HMGCL: variants seen among roughly 807,000 people sequenced by gnomAD.
HMGCL encodes the protein 3-hydroxy-3-methylglutaryl-CoA lyase.
HMGCL carries 26 observed loss-of-function variants against 37.3 expected under a neutral mutation model. The observed-to-expected ratio is 0.70, with a 90% CI of 0.51 to 0.97. The LOEUF is 0.97. HMGCL is among the 50% of genes least tolerant of loss of function. The pLI, the probability that HMGCL is intolerant of heterozygous loss-of-function variation, is 0.00. For synonymous variants in HMGCL, 151 were observed against 148.0 expected (o/e 1.02, Z -0.15); for missense variants, 379 against 398.1 (o/e 0.95, Z 0.41).
In HMGCL at chr1:23,814,187, C is replaced by T. The variant is rs763178392; in HGVS notation, c.497+3G>A. On this transcript the variant is annotated splice_donor_region_variant and intron_variant, in intron 5 of 8. Transcript: ENST00000374490. ...GAAAGGATACCAATGTGCTCTGACTCACCCCCGCACAGAAATATTGGCTGA... is the reference window on the plus strand; with the variant it reads ...GAAAGGATACCAATGTGCTCTGACTTACCCCCGCACAGAAATATTGGCTGA... 8.0e-5 allele frequency: 129 copies of T among 1,613,396 alleles called. 2 individuals carry two copies. The South Asian group carries it at 1.4e-3, about 17-fold the overall frequency.
Position 23,809,175 on chromosome 1 carries a change from G to C in HMGCL, c.562-852C>G, listed in dbSNP as rs1278970303. Reference sequence around the variant, plus strand: ...CATGCTTCGGCCTCCCGAAGTGCTGGGATTACAGTCATGAGCCACCATACC... The same window carrying C: ...CATGCTTCGGCCTCCCGAAGTGCTGCGATTACAGTCATGAGCCACCATACC... On this transcript the variant is annotated intron_variant, in intron 6 of 8. Transcript: ENST00000374490. The C allele has an allele frequency of 6.2e-5, 9 of 146,278 alleles. No individual in the cohort carries two copies. In the East Asian group the frequency reaches 1.8e-3, roughly 29 times the overall value. 9.1% of individuals were successfully genotyped at this position (146,278 alleles called of 1,614,324 possible).
chr1:23,815,771 A>C (rs1638600547), intron 4 of HMGCL, among the ~76,000 whole-genome samples: 1 of 151,988 alleles, frequency 6.6e-6, no homozygotes, highest in Admixed American at 6.6e-5. Flanking sequence ...CTAGGATTAC[A>C]GGCGTGAGCC....
In HMGCL at chr1:23,808,120, TA is replaced by T. The variant is rs889708681; in HGVS notation, c.750+14del. The T allele has an allele frequency of 3.1e-6, 5 of 1,611,772 alleles. No homozygotes were observed. Among genetic ancestry groups the T allele is most frequent in the Non-Finnish European group, 4.2e-6 (5 of 1,178,090 alleles). On this transcript the variant is annotated intron_variant, in intron 7 of 8. Transcript: ENST00000374490. ...ACCGTGACCTTTGGGAGAATGGGCA[TA>T]TGCTTTTGATTACCTGCAGGGCCAT...
Position 23,820,507 on chromosome 1 carries a change from T to A in HMGCL, c.144+3A>T. On this transcript the variant is annotated splice_donor_region_variant and intron_variant, in intron 2 of 8. Transcript: ENST00000374490. ...TGTTTTTTTGGCTCATTTCCAACTT[T>A]ACCTTTTCATTTTGTAGTCCATCTC... 5.6e-6 allele frequency: 9 copies of A among 1,611,588 alleles called. No homozygotes were observed. Among genetic ancestry groups the A allele is most frequent in the Non-Finnish European group, 7.6e-6 (9 of 1,177,608 alleles).
At chr1:23,822,373 A>T (rs1321974066) in intron 1 of HMGCL, among the ~76,000 whole-genome samples, 1 of 152,168 alleles carries the variant, frequency 6.6e-6, no homozygotes, top group Admixed American at 6.5e-5. Flanking sequence ...GTCAGCTCAA[A>T]ATCTTAGTCT....
Position 23,817,714 on chromosome 1 carries a change from A to G in HMGCL, c.145-131T>C, listed in dbSNP as rs190245759. The G allele has an allele frequency of 7.1e-6, 5 of 702,458 alleles. No homozygotes were observed. In the Admixed American group the frequency reaches 1.0e-4, roughly 14 times the overall value. The allele number at this position is 702,458 out of a possible 1,614,324, so 43.5% of individuals were successfully genotyped here. On this transcript the variant is annotated intron_variant, in intron 2 of 8. Coordinates refer to ENST00000374490, the MANE Select transcript of HMGCL (RefSeq NM_000191.3). ...GCAGCTTCTCACCTGAAAAGGAGTTATTTACATAGAAACATTATTCTGCCA... is the reference window on the plus strand; with the variant it reads ...GCAGCTTCTCACCTGAAAAGGAGTTGTTTACATAGAAACATTATTCTGCCA...
At chr1:23,814,885 C>A (rs889557095) in intron 4 of HMGCL, among the ~76,000 whole-genome samples, 2 of 151,926 alleles carry the variant, frequency 1.3e-5, no homozygotes, top group African/African-American at 4.8e-5. Flanking sequence ...TAGGGTGGGC[C>A]CCTAATCCCA....
chr1:23,824,550 A>G (rs1638781460), intron 1 of HMGCL, among the ~76,000 whole-genome samples: 1 of 152,116 alleles, frequency 6.6e-6, no homozygotes. Flanking sequence ...TTCCCTCTAT[A>G]CAGTTATAAC....
At position 23,814,218 on chromosome 1, in the gene HMGCL, C is replaced by A; in HGVS notation, c.469G>T (p.Ala157Ser). The change falls in exon 5 of 9, where the codon GCG becomes TCG. Residue 157 changes from alanine to serine, a missense_variant. By Grantham distance (99) the Ala-to-Ser change is moderately conservative (BLOSUM62 1). Transcript: ENST00000374490. ...CGCACAGAAATATTGGCTGACTGCG[C>A]TGCCTTCAGGATTGCGTCAAACCTC... The part of the protein sequence containing the change: ...FQRFDAILKA[A>S]QSANISVRGY... 6.2e-7 allele frequency: 1 copy of A among 1,614,062 alleles called. No homozygotes were observed. Among genetic ancestry groups the A allele is most frequent in the African/African-American group, 1.3e-5 (1 of 75,054 alleles).
chr1:23,807,396 G>A (rs1638432440), intron 7 of HMGCL: 1 of 363,658 alleles, frequency 2.7e-6, no homozygotes, highest in South Asian at 2.1e-5. Flanking sequence ...CGAACCTCTA[G>A]GGGATAATTG....
At position 23,819,767 on chromosome 1, in the gene HMGCL, G is replaced by A. The variant is rs562962794; in HGVS notation, c.144+743C>T. On this transcript the variant is annotated intron_variant, in intron 2 of 8. Transcript: ENST00000374490. ...CACACACACGCGCGCGTGCGTACGCGCACATGCACTATTTGTTTTTGTTTG... is the reference window on the plus strand; with the variant it reads ...CACACACACGCGCGCGTGCGTACGCACACATGCACTATTTGTTTTTGTTTG... 4.6e-5 allele frequency among the ~76,000 whole-genome samples: 7 copies of A among 152,070 alleles called. No homozygotes were observed. The East Asian group carries it at 9.7e-4, about 21-fold the overall frequency.
chr1:23,817,997 T>C (rs1328284655), intron 2 of HMGCL, among the ~76,000 whole-genome samples: 1 of 152,200 alleles, frequency 6.6e-6, no homozygotes, highest in Non-Finnish European at 1.5e-5. Flanking sequence ...GGATTCCTCT[T>C]TCCAAATCTA....
chr1:23,812,797 T>C (rs765849165), intron 5 of HMGCL, among the ~76,000 whole-genome samples: 3 of 152,098 alleles, frequency 2.0e-5, no homozygotes, highest in Non-Finnish European at 4.4e-5. Flanking sequence ...TCATGCAGGG[T>C]TTGTAAACCT....
At chr1:23,804,661 C>T in intron 7 of HMGCL, 136 bp from the exon 8 acceptor site, 2 of 930,500 alleles carry the variant, frequency 2.1e-6, no homozygotes, top group Non-Finnish European at 3.4e-6. Flanking sequence ...ATTCTGTTGA[C>T]ATGACAATCC....
rs1638419885 is a variant in HMGCL, at chr1:23,806,890, C to G, written c.750+1245G>C. 2.0e-6 allele frequency: 1 copy of G among 497,218 alleles called. No homozygotes were observed. Among genetic ancestry groups the G allele is most frequent in the Non-Finnish European group, 4.0e-6 (1 of 248,858 alleles). 30.8% of individuals were successfully genotyped at this position (497,218 alleles called of 1,614,324 possible). ...CATCTGTCTTCCCCACCCACCATAA[C>G]ATGAGCTCCCAGAGGGCAGGGATTG... On this transcript the variant is annotated intron_variant, in intron 7 of 8. Transcript: ENST00000374490. The surrounding 1 kb of genome is among the most constrained non-coding windows in gnomAD (Gnocchi z 4.0).
At chr1:23,825,248 G>T in intron 1 of HMGCL, 108 bp downstream of exon 1, 1 of 889,268 alleles carries the variant, frequency 1.1e-6, no homozygotes, top group South Asian at 1.4e-5. Flanking sequence ...TCTGGCCTGA[G>T]AGCTGTCCGG....
intron 7 of HMGCL, chr1:23,807,201 A>T (rs779342095): frequency 1.9e-6 from 1 of 519,016 alleles, no homozygotes. Context: ...GGCATAGGAG[A>T]GGAAGTCACT....
chr1:23,818,437 A>T (rs565055710), intron 2 of HMGCL, among the ~76,000 whole-genome samples: 25 of 152,284 alleles, frequency 1.6e-4, no homozygotes, highest in African/African-American at 5.5e-4. Flanking sequence ...ACACAGAGCA[A>T]GACCCTGTCT....
In HMGCL at chr1:23,802,138, C is replaced by G. The variant is rs1638288869; in HGVS notation, c.*325G>C. 2 of 567,732 alleles carry G rather than the reference C, an allele frequency of 3.5e-6. No individual in the cohort carries two copies. Among genetic ancestry groups the G allele is most frequent in the South Asian group, 4.9e-5 (2 of 40,804 alleles). 35.2% of individuals were successfully genotyped at this position (567,732 alleles called of 1,614,324 possible). ...AGGTGGCCAGCTCGCGGATTCCATC[C>G]AGAGAGGAGACTCAAGGATCATGCT... On this transcript the variant is annotated 3_prime_UTR_variant, in exon 9 of 9. Transcript: ENST00000374490.
Sources: allele counts gnomAD v4.1 joint callset (sites outside exome capture counted in the v4.1 genomes callset), GRCh38; gene constraint gnomAD v4.1.1; non-coding constraint Gnocchi (gnomAD v3.1); transcripts MANE v1.5; gene names NCBI Gene and HGNC (gene_info 2026-07-23, HGNC 2026-07-21).